UBR4: variants seen among roughly 807,000 people sequenced by gnomAD.
UBR4 encodes the protein E3 ubiquitin-protein ligase UBR4.
UBR4 carries 124 observed loss-of-function variants against 575.6 expected under a neutral mutation model. The ratio of observed to expected loss-of-function variants is 0.22; its 90% CI spans 0.19 to 0.25. UBR4 has a LOEUF of 0.25. Among genes scored for constraint, UBR4 ranks in the 10% least tolerant of loss-of-function variants. The pLI is 1.00. For missense variants in UBR4, 4,818 were observed against 6,478.8 expected (o/e 0.74, Z 8.80); for synonymous variants, 2,455 against 2,473.7 (o/e 0.99, Z 0.22).
In UBR4 at chr1:19,097,235, C is replaced by T. The variant is rs868556077; in HGVS notation, c.13348G>A (p.Asp4450Asn). Residue 4450 changes from aspartate (D) to asparagine (N), a missense_variant, in exon 91 of 106, where the codon GAT becomes AAT. This residue lies in a region of UBR4 where 19 missense variants were observed against 53.9 expected (regional missense o/e 0.35). Transcript: ENST00000375254. ...GACTCAATGAACTCCTCTGTGGCAT[C>T]GCCCAGCAGCCCCCGCATACGATAA... ...IVYRMRGLLG[D>N]ATEEFIESLD... 1 of 1,613,750 alleles carries T rather than the reference C, an allele frequency of 6.2e-7. No homozygotes were observed. Among genetic ancestry groups the T allele is most frequent in the Non-Finnish European group, 8.5e-7 (1 of 1,179,842 alleles).
intron 81 of UBR4, among the ~76,000 whole-genome samples, chr1:19,108,124 G>A (rs2079429403): frequency 6.6e-6 from 1 of 152,016 alleles, no homozygotes; most frequent in Admixed American, 6.5e-5. Flanking sequence ...TTTTTTCATT[G>A]AGACTATACC....
At chr1:19,196,030 T>C (rs1428572444) in intron 8 of UBR4, among the ~76,000 whole-genome samples, 1 of 146,004 alleles carries the variant, frequency 6.8e-6, no homozygotes, top group East Asian at 2.0e-4. Context: ...ACTTACGTAG[T>C]ATGTTCCCCC....
intron 13 of UBR4, 92 bp from the exon 14 acceptor site, chr1:19,186,749 TAAATCCA>T (rs2091565275): frequency 1.6e-6 from 2 of 1,282,880 alleles, no homozygotes; most frequent in Non-Finnish European, 2.2e-6. Context: ...TATTTTTTCC[TAAATCCA>T]AGAGTATGCC....
In UBR4 at chr1:19,127,680, T is replaced by C. The variant is rs553636465; in HGVS notation, c.9171A>G (p.Arg3057=). The C allele has an allele frequency of 2.3e-5, 37 of 1,613,648 alleles. No homozygotes were observed. The South Asian group carries it at 4.1e-4, about 18-fold the overall frequency. The change falls in exon 63 of 106, where the codon AGA becomes AGG. Residue 3057 remains arginine (R), a synonymous_variant. Coordinates refer to ENST00000375254, the MANE Select transcript of UBR4 (RefSeq NM_020765.3). ...ALNEVHLVVM[R]LLSVFMSRTK... is the part of the protein sequence containing the mutation. ...TGCGGGACATGAAGACACTCAGGAG[T>C]CTCATTACTACCAGATGGACTTCAT...
rs2148786067 is a variant in UBR4 at position 19,089,451 on chromosome 1, A to G, written c.14212-474T>C. Among the ~76,000 whole-genome samples, 1 of 152,302 alleles carries G rather than the reference A, an allele frequency of 6.6e-6. No homozygotes were observed. The highest frequency in any genetic ancestry group is 1.5e-5 in the Non-Finnish European group (1 of 68,006). ...CCCTGGGTCCACCAAACCTAGGAGC[A>G]CAGTTTTCTCAGGCTAGGGATACTA... On this transcript the variant is annotated intron_variant, in intron 97 of 105. Transcript: ENST00000375254. This position sits in a 1 kb window ranked among gnomAD's most constrained non-coding sequence, Gnocchi z 4.3.
chr1:19,177,804 A>T, intron 18 of UBR4, 61 bp from the exon 19 acceptor site: 2 of 1,554,454 alleles, frequency 1.3e-6, no homozygotes, highest in African/African-American at 1.4e-5. Context: ...AGGAGTTATA[A>T]TGTCAAGCAC....
chr1:19,075,850 GTT>G (rs1233219025), intron 105 of UBR4, among the ~76,000 whole-genome samples: 1 of 152,232 alleles, frequency 6.6e-6, no homozygotes, highest in African/African-American at 2.4e-5. Flanking sequence ...TCTGGGGGGA[GTT>G]TGTTTTCCTG....
At chr1:19,119,532 C>T (rs2149449557) in intron 70 of UBR4, 25 bp downstream of exon 70, 4 of 1,604,812 alleles carry the variant, frequency 2.5e-6, no homozygotes, top group East Asian at 2.2e-5. Context: ...CAAGTTGGCC[C>T]CTCTGACCAT....
chr1:19,088,614 T>C lies in UBR4; in HGVS notation c.14430+145A>G. 1.4e-6 allele frequency: 1 copy of C among 728,156 alleles called. No individual in the cohort carries two copies. Among genetic ancestry groups the C allele is most frequent in the African/African-American group, 1.8e-5 (1 of 56,346 alleles). The allele number at this position is 728,156 out of a possible 1,614,324, so 45.1% of individuals were successfully genotyped here. On this transcript the variant is annotated intron_variant, in intron 98 of 105. Transcript: ENST00000375254. The surrounding 1 kb of genome is among the most constrained non-coding windows in gnomAD (Gnocchi z 4.0). ...ATGATAGAACGATAGTAGTTCCACCTCTGAGAGGGCCGAACACACCTAGTT... is the reference window on the plus strand; with the variant it reads ...ATGATAGAACGATAGTAGTTCCACCCCTGAGAGGGCCGAACACACCTAGTT...
At chr1:19,116,014 C>T (rs4911974) in intron 73 of UBR4, among the ~76,000 whole-genome samples, 101,328 of 152,030 alleles carry the variant, frequency 0.67, 34,516 homozygotes, top group East Asian at 0.81. Context: ...AAGATAAACC[C>T]AGGCTATTTT....
intron 102 of UBR4, among the ~76,000 whole-genome samples, chr1:19,082,848 C>T (rs946350613): frequency 1.3e-5 from 2 of 152,170 alleles, no homozygotes; most frequent in African/African-American, 4.8e-5. Context: ...GTCTGGCTTA[C>T]GGTGGCCATG....
intron 60 of UBR4, among the ~76,000 whole-genome samples, chr1:19,130,817 C>T (rs1037234895): frequency 1.3e-5 from 2 of 152,182 alleles, no homozygotes; most frequent in African/African-American, 4.8e-5. Context: ...CAAGTGAATA[C>T]ACACACATGA....
intron 49 of UBR4, among the ~76,000 whole-genome samples, chr1:19,149,202 C>T (rs1263323845): frequency 2.0e-5 from 3 of 152,070 alleles, no homozygotes; most frequent in African/African-American, 7.2e-5. Context: ...AATAGGAAAC[C>T]CAACTATTAC....
At chr1:19,081,934 G>A in intron 102 of UBR4, 2 of 598,696 alleles carry the variant, frequency 3.3e-6, no homozygotes, top group Non-Finnish European at 6.0e-6. Context: ...CCAGAAAAGT[G>A]AAGTGACTTG....
rs2077733327 is a variant in UBR4, at chr1:19,093,569, C to T, written c.13938-83G>A. ...CACCCTCTTGGTTAACAACTGTCAACAGCCTATAGAAGATCAAGGCTAAAT... is the reference window on the plus strand; with the variant it reads ...CACCCTCTTGGTTAACAACTGTCAATAGCCTATAGAAGATCAAGGCTAAAT... On this transcript the variant is annotated intron_variant, in intron 95 of 105. Transcript: ENST00000375254. This position sits in a 1 kb window ranked among gnomAD's most constrained non-coding sequence, Gnocchi z 4.8. The T allele has an allele frequency of 6.8e-7, 1 of 1,463,700 alleles. No individual in the cohort carries two copies. Among genetic ancestry groups the T allele is most frequent in the Non-Finnish European group, 9.4e-7 (1 of 1,065,404 alleles). The allele number at this position is 1,463,700 out of a possible 1,614,324, so 90.7% of individuals were successfully genotyped here. A position where few individuals can be genotyped will look rare whatever the true frequency, so the allele number is the denominator to read the frequency against.
In UBR4 at chr1:19,152,098, T is replaced by C. The variant is rs1052207676; in HGVS notation, c.6996+215A>G. ...CACCTCTTTGATGTCCTCTACACAG[T>C]AATCCTGCTGGTATTGGTGGAAACC... is the stretch of plus-strand genomic sequence containing the variant. On this transcript the variant is annotated intron_variant, in intron 47 of 105. Coordinates refer to ENST00000375254, the MANE Select transcript of UBR4 (RefSeq NM_020765.3). This position sits in a 1 kb window ranked among gnomAD's most constrained non-coding sequence, Gnocchi z 4.4. Among the ~76,000 whole-genome samples, 1 of 152,230 alleles carries C rather than the reference T, an allele frequency of 6.6e-6. No homozygotes were observed. Among genetic ancestry groups the C allele is most frequent in the African/African-American group, 2.4e-5 (1 of 41,456 alleles).
chr1:19,128,668 G>C (rs946315024), intron 61 of UBR4, among the ~76,000 whole-genome samples: 11 of 152,192 alleles, frequency 7.2e-5, no homozygotes, highest in African/African-American at 2.7e-4. Flanking sequence ...CTAGTGAGTG[G>C]AAGAACAGCT....
chr1:19,169,753 T>C (rs1002968283), intron 26 of UBR4, among the ~76,000 whole-genome samples: 1 of 152,228 alleles, frequency 6.6e-6, no homozygotes, highest in Non-Finnish European at 1.5e-5. Flanking sequence ...TCATTTCCCA[T>C]CATGTTCACT....
In UBR4 at chr1:19,076,865, C is replaced by T; in HGVS notation, c.15362G>A (p.Cys5121Tyr). Residue 5121 changes from cysteine (C) to tyrosine (Y), a missense_variant, in exon 105 of 106, where the codon TGC becomes TAC. Coordinates refer to ENST00000375254, the MANE Select transcript of UBR4 (RefSeq NM_020765.3). ...GTGGCGGATGTACTCAGCGAGAGAG[C>T]AGGACCAGCCTCCCTCTGTGTTACT... ...PTSNTEGGWSCSLAEYIRHND... is the reference protein window; with the variant it reads ...PTSNTEGGWSYSLAEYIRHND... 1 of 1,599,226 alleles carries T rather than the reference C, an allele frequency of 6.3e-7. No individual in the cohort carries two copies. Among genetic ancestry groups the T allele is most frequent in the Non-Finnish European group, 8.5e-7 (1 of 1,173,336 alleles).
Sources: gnomAD v4.1 joint callset for allele counts (sites outside exome capture counted in the v4.1 genomes callset) on GRCh38, gnomAD v4.1.1 for gene constraint, gnomAD v4.1.1 regional missense constraint, Gnocchi (gnomAD v3.1) non-coding constraint, MANE v1.5 for transcripts, NCBI Gene and HGNC (gene_info 2026-07-23, HGNC 2026-07-21) for gene names.